A4GALT: variants seen among roughly 807,000 people sequenced by gnomAD.
The protein encoded by A4GALT is alpha 1,4-galactosyltransferase (P1PK blood group), also known as lactosylceramide 4-alpha-galactosyltransferase.
For synonymous variants in A4GALT, 257 were observed against 220.7 expected (o/e 1.16, Z -1.46); for missense variants, 512 against 486.0 (o/e 1.05, Z -0.50).
chr22:42,718,838 AG>A (rs1265810428), intron 1 of A4GALT, among the ~76,000 whole-genome samples: 1 of 152,206 alleles, frequency 6.6e-6, no homozygotes, highest in Non-Finnish European at 1.5e-5. Context: ...CACGCCTAGC[AG>A]GTCCCCAAAG....
At position 42,703,057 on chromosome 22, in the gene A4GALT, C is replaced by CTCTGTGTGTGTGTGTGTGTG. The variant is rs753250465; in HGVS notation, c.-187-7427_-187-7426insCACACACACACACACACAGA. 2.8e-3 allele frequency among the ~76,000 whole-genome samples: 379 copies of CTCTGTGTGTGTGTGTGTGTG among 134,408 alleles called. 26 individuals are homozygous for CTCTGTGTGTGTGTGTGTGTG. Among genetic ancestry groups the CTCTGTGTGTGTGTGTGTGTG allele is most frequent in the African/African-American group, 0.011 (351 of 31,024 alleles). The allele number at this position is 134,408 out of a possible 152,430, so 88.2% of individuals were successfully genotyped here. On this transcript the variant is annotated intron_variant, in intron 1 of 2. Coordinates refer to ENST00000642412, the MANE Select transcript of A4GALT (RefSeq NM_017436.7). ...GCCTTGGCTGGCACATGCTGCCCTG[C>CTCTGTGTGTGTGTGTGTGTG]TGTGTGTGTGTGTGTGTGTGTGTGT...
chr22:42,705,018 T>C lies in A4GALT; in HGVS notation c.-187-9387A>G, dbSNP rs190195949. 2.4e-3 allele frequency among the ~76,000 whole-genome samples: 369 copies of C among 152,200 alleles called. 1 individual carries two copies. The highest frequency in any genetic ancestry group is 8.4e-3 in the African/African-American group (349 of 41,516). On this transcript the variant is annotated intron_variant, in intron 1 of 2. Transcript: ENST00000642412. ...TCAGGGCTGGAGGCAAGTGACCTCT[T>C]GAGACAGGTTAGGTTCTGGAGGTGA...
At chr22:42,717,268 C>G (rs113967598) in intron 1 of A4GALT, among the ~76,000 whole-genome samples, 2 of 152,120 alleles carry the variant, frequency 1.3e-5, no homozygotes, top group Admixed American at 6.5e-5. Context: ...AGAGCAATTC[C>G]CAAGGGCTTG....
At chr22:42,696,094 C>T (rs1601986694) in intron 1 of A4GALT, among the ~76,000 whole-genome samples, 1 of 118,924 alleles carries the variant, frequency 8.4e-6, no homozygotes, top group African/African-American at 3.4e-5. Context: ...TGCACTCCAG[C>T]GTGGGTGACA....
intron 1 of A4GALT, among the ~76,000 whole-genome samples, chr22:42,697,137 T>C (rs130397): frequency 0.23 from 35,277 of 152,070 alleles, 4,497 homozygotes; most frequent in African/African-American, 0.33. Flanking sequence ...TCTTAGTATG[T>C]GGTCAATAAA....
rs367569847 is a variant in A4GALT at position 42,693,911 on chromosome 22, C to A, written c.41G>T (p.Gly14Val). 7 of 1,606,188 alleles carry A rather than the reference C, an allele frequency of 4.4e-6. No individual in the cohort carries two copies. Among genetic ancestry groups the A allele is most frequent in the Non-Finnish European group, 4.2e-6 (5 of 1,177,148 alleles). ...PPDLLLRLLR[G>V]APRQRVCTLF... Reference sequence around the variant, plus strand: ...GGTGCAGACCCGCTGCCTTGGGGCGCCCCGGAGCAGCCGCAGCAGGAGGTC... The same window carrying A: ...GGTGCAGACCCGCTGCCTTGGGGCGACCCGGAGCAGCCGCAGCAGGAGGTC... Residue 14 changes from glycine (G) to valine (V), a missense_variant, in exon 3 of 3, where the codon GGC becomes GTC. Gly to Val is a moderately radical substitution (Grantham distance 109). Transcript: ENST00000642412.
At chr22:42,702,398 TGG>T (rs1920928265) in intron 1 of A4GALT, among the ~76,000 whole-genome samples, 2 of 149,974 alleles carry the variant, frequency 1.3e-5, no homozygotes, top group African/African-American at 4.9e-5. Context: ...TGGAGTGCAG[TGG>T]TGCGATCTCG....
In A4GALT at chr22:42,693,943, C is replaced by T. The variant is rs1299243991; in HGVS notation, c.9G>A (p.Lys3=). ...GCAGCCGCAGCAGGAGGTCGGGGGG[C>T]TTGGACATGGTATCCCCAGATCAGA... MS[K]PPDLLLRLLR... The change falls in exon 3 of 3, where the codon AAG becomes AAA. Residue 3 remains lysine, a synonymous_variant. Transcript: ENST00000642412. The T allele has an allele frequency of 6.3e-7, 1 of 1,584,510 alleles. No homozygotes were observed. The highest frequency in any genetic ancestry group is 8.6e-7 in the Non-Finnish European group (1 of 1,165,710).
At chr22:42,717,560 T>G (rs1922303423) in intron 1 of A4GALT, among the ~76,000 whole-genome samples, 1 of 152,106 alleles carries the variant, frequency 6.6e-6, no homozygotes, top group Non-Finnish European at 1.5e-5. Context: ...TCCCACCTCC[T>G]CAGTCCTCGG....
At chr22:42,705,279 G>A (rs953789833) in intron 1 of A4GALT, among the ~76,000 whole-genome samples, 3 of 152,066 alleles carry the variant, frequency 2.0e-5, no homozygotes, top group East Asian at 1.9e-4. Context: ...ACAAATACTC[G>A]CTTATATATA....
intron 1 of A4GALT, among the ~76,000 whole-genome samples, chr22:42,717,667 T>C (rs6002926): frequency 0.072 from 11,013 of 151,904 alleles, 434 homozygotes; most frequent in African/African-American, 0.081. Flanking sequence ...TGCAGCCAAG[T>C]CTCCCTCATC....
Position 42,693,231 on chromosome 22 carries a change from A to C in A4GALT, c.721T>G (p.Tyr241Asp). 1 of 1,609,880 alleles carries C rather than the reference A, an allele frequency of 6.2e-7. No individual in the cohort carries two copies. Among genetic ancestry groups the C allele is most frequent in the Admixed American group, 1.7e-5 (1 of 59,412 alleles). Residue 241 changes from tyrosine to aspartate, a missense_variant, in exon 3 of 3, where the codon TAC becomes GAC. By Grantham distance (160) the Tyr-to-Asp change is radical. Transcript: ENST00000642412. ...ALCMRDFVDH[Y>D]NGWIWGHQGP... Reference sequence around the variant, plus strand: ...TGGTGACCCCAGATCCAGCCGTTGTAGTGGTCCACGAAGTCCCGCATGCAC... The same window carrying C: ...TGGTGACCCCAGATCCAGCCGTTGTCGTGGTCCACGAAGTCCCGCATGCAC...
chr22:42,692,217 A>C lies in A4GALT; in HGVS notation c.*673T>G. ...CTTTAAAATGCTTCTCCTGAGCCTA[A>C]AGAGCCTCCCCACCCAGCCCCTGTC... is the stretch of plus-strand genomic sequence containing the variant. On this transcript the variant is annotated 3_prime_UTR_variant, in exon 3 of 3. Coordinates refer to ENST00000642412, the MANE Select transcript of A4GALT (RefSeq NM_017436.7). This position sits in a 1 kb window ranked among gnomAD's most constrained non-coding sequence, Gnocchi z 4.6. The C allele has an allele frequency of 5.4e-6, 1 of 186,586 alleles. No homozygotes were observed. Among genetic ancestry groups the C allele is most frequent in the South Asian group, 1.1e-4 (1 of 8,956 alleles). The allele number at this position is 186,586 out of a possible 1,614,324, so 11.6% of individuals were successfully genotyped here.
At chr22:42,703,329 C>T (rs1306951251) in intron 1 of A4GALT, among the ~76,000 whole-genome samples, 1 of 149,586 alleles carries the variant, frequency 6.7e-6, no homozygotes, top group South Asian at 2.1e-4. Context: ...GATCTCAGCT[C>T]ACTGCAACCT....
rs563479950 is a variant in A4GALT, at chr22:42,698,346, C to T, written c.-187-2715G>A. 6.6e-5 allele frequency among the ~76,000 whole-genome samples: 10 copies of T among 152,236 alleles called. No homozygotes were observed. In the East Asian group the frequency reaches 1.9e-3, roughly 29 times the overall value. ...AGCCAGGTTCTTGGCACCAGCTCTG[C>T]AGACCCCAACTAGGGGCATCAGCAT... On this transcript the variant is annotated intron_variant, in intron 1 of 2. Transcript: ENST00000642412.
chr22:42,698,640 G>A (rs771542509), intron 1 of A4GALT, among the ~76,000 whole-genome samples: 24 of 152,174 alleles, frequency 1.6e-4, no homozygotes, highest in Non-Finnish European at 2.2e-4. Context: ...GAACACAGAG[G>A]CCCCGAGAGG....
intron 1 of A4GALT, among the ~76,000 whole-genome samples, chr22:42,703,409 C>A (rs375138908): frequency 1.3e-5 from 2 of 151,950 alleles, no homozygotes; most frequent in African/African-American, 4.8e-5. Flanking sequence ...GCACCTGCCA[C>A]CGCGCCTGGC....
intron 2 of A4GALT, 123 bp downstream of exon 2, chr22:42,695,368 G>C (rs1324170669): frequency 6.6e-6 from 1 of 152,292 alleles, no homozygotes; most frequent in African/African-American, 2.4e-5. Context: ...CAGGCAGAAG[G>C]TGGGGTGGCA....
chr22:42,696,396 G>A (rs1930936086), intron 1 of A4GALT, among the ~76,000 whole-genome samples: 1 of 146,418 alleles, frequency 6.8e-6, no homozygotes, highest in Non-Finnish European at 1.5e-5. Flanking sequence ...CTCCAGCCTG[G>A]ACATCAAGAG....
Sources: gnomAD v4.1 joint callset for allele counts (sites outside exome capture counted in the v4.1 genomes callset) on GRCh38, gnomAD v4.1.1 for gene constraint, Gnocchi (gnomAD v3.1) non-coding constraint, MANE v1.5 for transcripts, NCBI Gene and HGNC (gene_info 2026-07-23, HGNC 2026-07-21) for gene names.